Variants in NUDT17 observed in about 807,000 individuals in gnomAD.
The protein encoded by NUDT17 is m7GpppN-mRNA hydrolase NUDT17.
Under a neutral mutation model 38.6 loss-of-function variants are expected in NUDT17, and 38 were observed. The observed-to-expected ratio is 0.98, with a 90% CI of 0.76 to 1.29. NUDT17 has a LOEUF of 1.29. NUDT17 is among the 50% of genes most tolerant of loss of function. The pLI, the probability that NUDT17 is intolerant of heterozygous loss-of-function variation, is 0.00. For synonymous variants in NUDT17, 192 were observed against 167.8 expected (o/e 1.14, Z -1.11); for missense variants, 462 against 415.2 (o/e 1.11, Z -0.98).
chr1:145,846,049 C>T lies in NUDT17; in HGVS notation c.229C>T (p.Arg77Trp), dbSNP rs782328085. ...CTGCCCTTTTGCGGCCCTGGAGGAG[C>T]GGCCCAGGGTCCCTGGGGCTGAGCT... is the stretch of plus-strand genomic sequence containing the variant. The part of the protein sequence containing the change: ...PFCPFAALEE[R>W]PRVPGAELPT... The change falls in exon 2 of 8, where the codon CGG becomes TGG. Residue 77 changes from arginine to tryptophan, a missense_variant. By Grantham distance (101) the Arg-to-Trp change is moderately radical (BLOSUM62 -3). Coordinates refer to ENST00000334513, the MANE Select transcript of NUDT17 (RefSeq NM_001012758.3). 1.0e-5 allele frequency: 16 copies of T among 1,604,410 alleles called. No homozygotes were observed. Among genetic ancestry groups the T allele is most frequent in the African/African-American group, 1.3e-5 (1 of 74,830 alleles).
intron 4 of NUDT17, 77 bp downstream of exon 4, chr1:145,846,767 A>G (rs1268254893): frequency 3.6e-5 from 36 of 1,004,646 alleles, no homozygotes; most frequent in Admixed American, 1.0e-4. Flanking sequence ...ACAATAGCAC[A>G]TAAGTGGGCT....
intron 4 of NUDT17, 82 bp from the exon 5 acceptor site, chr1:145,847,168 T>G (rs2101671579): frequency 1.3e-6 from 1 of 795,344 alleles, no homozygotes; most frequent in Non-Finnish European, 2.1e-6. Flanking sequence ...CATGCCAGCC[T>G]GGGCGACAAG....
At chr1:145,846,854 A>G (rs1652717173) in intron 4 of NUDT17, among the ~76,000 whole-genome samples, 164 bp downstream of exon 4, 1 of 151,538 alleles carries the variant, frequency 6.6e-6, no homozygotes, top group African/African-American at 2.4e-5. Context: ...GCTTTTGGCC[A>G]CCATTTTGTT....
intron 5 of NUDT17, 76 bp from the exon 6 acceptor site, chr1:145,847,507 C>A: frequency 6.3e-7 from 1 of 1,582,904 alleles, no homozygotes; most frequent in Non-Finnish European, 8.7e-7. Context: ...TCCATGAAAC[C>A]TGCGGGTAGG....
In NUDT17 at chr1:145,848,133, TG is replaced by T. The variant is rs782382844; in HGVS notation, c.755del (p.Gly252GlufsTer16). 3.7e-6 allele frequency: 6 copies of T among 1,613,740 alleles called. No individual in the cohort carries two copies. In the Admixed American group the frequency reaches 1.0e-4, roughly 27 times the overall value. On this transcript the variant is annotated frameshift_variant, in exon 7 of 8. Transcript: ENST00000334513. LOFTEE classifies it high-confidence loss of function. ...GCAGTGCAGTGGAACTAGAGGAGGA[TG>T]GAAGAGCCCGACCTCTGGTCCTGCA... ...SVLAVELEED[G>X]RARPLVLHMS...
At position 145,848,422 on chromosome 1, in the gene NUDT17, A is replaced by G. The variant is rs1553733283; in HGVS notation, c.930A>G (p.Pro310=). 6.2e-7 allele frequency: 1 copy of G among 1,614,094 alleles called. No individual in the cohort carries two copies. The highest frequency in any genetic ancestry group is 8.5e-7 in the Non-Finnish European group (1 of 1,180,042). The change falls in exon 8 of 8, where the codon CCA becomes CCG. Residue 310 remains proline, a synonymous_variant. Transcript: ENST00000334513. ...GTGCAGCTTACCTGGACCCAGGGCC[A>G]GCAAAGGAAGAATGGAACATGGACC... ...CKSAAYLDPG[P]AKEEWNMDPL...
At chr1:145,846,815 C>T (rs1652714563) in intron 4 of NUDT17, 125 bp downstream of exon 4, 4 of 739,186 alleles carry the variant, frequency 5.4e-6, no homozygotes, top group Non-Finnish European at 9.9e-6. Context: ...CATGTCCCTG[C>T]TGTGTCATCT....
In NUDT17 at chr1:145,846,079, A is replaced by G. The variant is rs1553732341; in HGVS notation, c.259A>G (p.Thr87Ala). The G allele has an allele frequency of 5.0e-6, 8 of 1,604,960 alleles. No individual in the cohort carries two copies. In the South Asian group the frequency reaches 6.7e-5, roughly 13 times the overall value. Reference sequence around the variant, plus strand: ...CAGGGTCCCTGGGGCTGAGCTGCCCACAGATCGAGGTGTGGACCTGGGTGT... The same window carrying G: ...CAGGGTCCCTGGGGCTGAGCTGCCCGCAGATCGAGGTGTGGACCTGGGTGT... ...RPRVPGAELP[T>A]DRGVDLGVAV... The change falls in exon 2 of 8, where the codon ACA (threonine) becomes GCA (alanine). Residue 87 changes from threonine to alanine, a missense_variant. Transcript: ENST00000334513.
rs1358643319 is a variant in NUDT17, at chr1:145,848,768, C to T, written c.*289C>T. ...ACTTAGATATATAAATAGAGAGAGA[C>T]CCAAGCAATAGGCCGGGCCTGACTC... On this transcript the variant is annotated 3_prime_UTR_variant, in exon 8 of 8. Transcript: ENST00000334513. 2.9e-5 allele frequency: 9 copies of T among 305,152 alleles called. No homozygotes were observed. The highest frequency in any genetic ancestry group is 1.1e-4 in the African/African-American group (5 of 46,270). The allele number at this position is 305,152 out of a possible 1,614,324, so 18.9% of individuals were successfully genotyped here.
intron 5 of NUDT17, 94 bp downstream of exon 5, chr1:145,847,442 G>T: frequency 7.3e-7 from 1 of 1,366,312 alleles, no homozygotes; most frequent in Non-Finnish European, 1.0e-6. Context: ...GGTGGCGGGG[G>T]TAGTCAGAGA....
At chr1:145,846,321 G>A (rs782033809) in intron 2 of NUDT17, 112 bp from the exon 3 acceptor site, 25 of 1,473,172 alleles carry the variant, frequency 1.7e-5, no homozygotes, top group Non-Finnish European at 2.4e-5. Context: ...ATAGTCACAA[G>A]GGACTGCAAC....
In NUDT17 at chr1:145,848,071, A is replaced by G. The variant is rs368416596; in HGVS notation, c.732-41A>G. On this transcript the variant is annotated intron_variant, in intron 6 of 7. Transcript: ENST00000334513. The stretch of plus-strand genomic sequence containing the variant: ...CTAACATATATGTAAGTTCTTTGTA[A>G]GCTACAAGGCACAGCCCCAACAGGA... 1.9e-6 allele frequency: 3 copies of G among 1,610,444 alleles called. No individual in the cohort carries two copies. The African/African-American group carries it at 4.0e-5, about 22-fold the overall frequency.
chr1:145,846,421 C>T lies in NUDT17; in HGVS notation c.377-12C>T. ...CACCACCATTCACCTACTGGCCCCA[C>T]TGTTGTTGCAGGTGGGCACGTGGAA... On this transcript the variant is annotated splice_polypyrimidine_tract_variant and intron_variant, in intron 2 of 7. Coordinates refer to ENST00000334513, the MANE Select transcript of NUDT17 (RefSeq NM_001012758.3). The T allele has an allele frequency of 2.5e-6, 4 of 1,614,132 alleles. No individual in the cohort carries two copies. The South Asian group carries it at 4.4e-5, about 18-fold the overall frequency.
chr1:145,847,247 T>A lies in NUDT17; in HGVS notation c.496-3T>A. On this transcript the variant is annotated splice_region_variant and splice_polypyrimidine_tract_variant and intron_variant, in intron 4 of 7. Transcript: ENST00000334513. ...TCTCACTTTTGCTGTTTTCTTTTCC[T>A]AGTCTGCCTACCCTCCTAGGCTGAG... 1.3e-6 allele frequency: 2 copies of A among 1,560,570 alleles called. No individual in the cohort carries two copies. The highest frequency in any genetic ancestry group is 2.7e-5 in the African/African-American group (2 of 73,478).
rs375107467 is a variant in NUDT17 at position 145,845,694 on chromosome 1, C to G, written c.54C>G (p.Ser18Arg). The G allele has an allele frequency of 1.3e-6, 2 of 1,546,724 alleles. No homozygotes were observed. The highest frequency in any genetic ancestry group is 1.7e-6 in the Non-Finnish European group (2 of 1,143,694). Residue 18 changes from serine (S) to arginine (R), a missense_variant, in exon 1 of 8, where the codon AGC becomes AGG. Physicochemically the swap from Ser to Arg is moderately radical, Grantham distance 110 (BLOSUM62 -1). Transcript: ENST00000334513. The part of the protein sequence containing the change: ...LLLSRRPESV[S>R]FARSVCGLLG... ...TGTCCCGGCGTCCGGAGTCGGTGAG[C>G]TTCGCACGGAGTGTGTGTGGCCTCC...
Position 145,845,774 on chromosome 1 carries a change from G to A in NUDT17, c.134G>A (p.Gly45Glu). The A allele has an allele frequency of 6.3e-7, 1 of 1,589,530 alleles. No homozygotes were observed. Among genetic ancestry groups the A allele is most frequent in the Non-Finnish European group, 8.6e-7 (1 of 1,168,846 alleles). Residue 45 changes from glycine (G) to glutamate (E), a missense_variant, in exon 1 of 8, where the codon GGA (glycine) becomes GAA (glutamate). Transcript: ENST00000334513. The stretch of plus-strand genomic sequence containing the variant: ...CCCATTCACTGCAGCTTGAAGCGAG[G>A]ACGGCTTGTCCTCTCGAGCAGGCCC... Reference protein sequence around the residue: ...TWPIHCSLKRGRLVLSSRPFP... With the variant: ...TWPIHCSLKRERLVLSSRPFP...
intron 6 of NUDT17, 35 bp downstream of exon 6, chr1:145,847,754 C>A: frequency 6.2e-7 from 1 of 1,604,774 alleles, no homozygotes; most frequent in Non-Finnish European, 8.5e-7. Flanking sequence ...CTCTAATACA[C>A]CAACATATTC....
Position 145,848,204 on chromosome 1 carries a change from AAGAG to A in NUDT17, c.829_832del (p.Arg277SerfsTer54), listed in dbSNP as rs782387865. 1.2e-6 allele frequency: 2 copies of A among 1,614,192 alleles called. No homozygotes were observed. The highest frequency in any genetic ancestry group is 2.2e-5 in the South Asian group (2 of 91,088). ...ATGATCCCAACCATGGCAGAGGACA[AAGAG>A]AGAGTCAGCACTGGAACCAAGTTTG... On this transcript the variant is annotated frameshift_variant, in exon 7 of 8. Transcript: ENST00000334513. LOFTEE classifies it high-confidence loss of function.
chr1:145,846,337 C>CCAGTGGACACAGAGGGAGT, intron 2 of NUDT17, 96 bp from the exon 3 acceptor site: 1 of 1,509,242 alleles, frequency 6.6e-7, no homozygotes, highest in Non-Finnish European at 9.2e-7. Flanking sequence ...GCAACTCCCT[C>CCAGTGGACACAGAGGGAGT]TGTGTCCACT....
Sources: allele counts gnomAD v4.1 joint callset (sites outside exome capture counted in the v4.1 genomes callset), GRCh38; gene constraint gnomAD v4.1.1; transcripts MANE v1.5; gene names NCBI Gene and HGNC (gene_info 2026-07-23, HGNC 2026-07-21).